The following PRKAG2 variants were observed in gnomAD, a reference collection of about 807,000 sequenced individuals.
The protein encoded by PRKAG2 is protein kinase AMP-activated non-catalytic subunit gamma 2.
Under a neutral mutation model 69.6 loss-of-function variants are expected in PRKAG2, and 26 were observed. The ratio of observed to expected loss-of-function variants is 0.37; its 90% CI spans 0.27 to 0.52. PRKAG2 has a LOEUF of 0.52. Ranked by LOEUF, PRKAG2 falls within the 20% of genes least tolerant of loss-of-function variation. The pLI, the probability that PRKAG2 is intolerant of heterozygous loss-of-function variation, is 0.90. For synonymous variants in PRKAG2, 293 were observed against 285.0 expected (o/e 1.03, Z -0.28); for missense variants, 557 against 740.0 (o/e 0.75, Z 2.87).
chr7:151,789,423 C>T (rs778601714), intron 1 of PRKAG2, among the ~76,000 whole-genome samples: 3 of 152,238 alleles, frequency 2.0e-5, no homozygotes, highest in Non-Finnish European at 4.4e-5. Context: ...TCCAGGCCTA[C>T]ACCCACTCTC....
chr7:151,660,621 T>A lies in PRKAG2; in HGVS notation c.684+14799A>T, dbSNP rs544425236. On this transcript the variant is annotated intron_variant, in intron 4 of 15. Coordinates refer to ENST00000287878, the MANE Select transcript of PRKAG2 (RefSeq NM_016203.4). ...TTTATGAAAATAAGACTTGAAAAGA[T>A]GACATTCCTCCAACAATGAAACCAT... Among the ~76,000 whole-genome samples, 687 of 152,356 alleles carry A rather than the reference T, an allele frequency of 4.5e-3. 3 individuals are homozygous for A. The highest frequency in any genetic ancestry group is 0.017 in the Middle Eastern group (5 of 294).
chr7:151,802,968 T>A (rs996636474), intron 1 of PRKAG2, among the ~76,000 whole-genome samples: 221 of 139,656 alleles, frequency 1.6e-3, no homozygotes, highest in Middle Eastern at 3.8e-3. Context: ...ATATATTTTT[T>A]TTTTTTTGAG....
intron 4 of PRKAG2, among the ~76,000 whole-genome samples, chr7:151,672,406 G>A (rs552524531): frequency 2.6e-5 from 4 of 152,134 alleles, no homozygotes; most frequent in Admixed American, 2.6e-4. Context: ...CCATTCGAAC[G>A]ATTTTCAAGT....
rs1241787972 is a variant in PRKAG2, at chr7:151,737,357, AG to A, written c.466+43794del. 2.9e-3 allele frequency among the ~76,000 whole-genome samples: 441 copies of A among 151,082 alleles called. 4 individuals are homozygous for A. Among genetic ancestry groups the A allele is most frequent in the African/African-American group, 1.0e-2 (410 of 41,034 alleles). On this transcript the variant is annotated intron_variant, in intron 3 of 15. Transcript: ENST00000287878. ...CCCCATCTCTATTAAAAAAAAAAAA[AG>A]AGAGATTTAGCCTAGTTCCAACAGT...
At chr7:151,625,075 A>G (rs1468825554) in intron 5 of PRKAG2, among the ~76,000 whole-genome samples, 1 of 152,200 alleles carries the variant, frequency 6.6e-6, no homozygotes, top group Non-Finnish European at 1.5e-5. Flanking sequence ...AGAGCTTACA[A>G]TGTAATGGCA....
chr7:151,571,614 G>A (rs1265178013), intron 9 of PRKAG2, among the ~76,000 whole-genome samples: 2 of 152,148 alleles, frequency 1.3e-5, no homozygotes, highest in East Asian at 1.9e-4. Flanking sequence ...TTAAACCTTG[G>A]TCTATCAGTA....
intron 1 of PRKAG2, among the ~76,000 whole-genome samples, chr7:151,815,679 G>T (rs1200390096): frequency 6.6e-6 from 1 of 152,132 alleles, no homozygotes; most frequent in Non-Finnish European, 1.5e-5. Context: ...CTTCCTTCGT[G>T]ACACTCATTC....
chr7:151,665,058 T>C (rs1394625537), intron 4 of PRKAG2, among the ~76,000 whole-genome samples: 2 of 152,198 alleles, frequency 1.3e-5, no homozygotes, highest in African/African-American at 4.8e-5. Context: ...GTATTTCATC[T>C]GTTAGTTTTG....
Position 151,876,862 on chromosome 7 carries a change from C to T in PRKAG2, c.-242G>A. On this transcript the variant is annotated 5_prime_UTR_variant, in exon 1 of 16. Transcript: ENST00000287878. ...CGTAGGCAAATCAGTCAAAGCCCGT[C>T]CCGGTTCTGGTGTCTCCCCGGGTTA... 2 of 577,552 alleles carry T rather than the reference C, an allele frequency of 3.5e-6. No homozygotes were observed. Among genetic ancestry groups the T allele is most frequent in the Non-Finnish European group, 6.2e-6 (2 of 322,566 alleles). The allele number at this position is 577,552 out of a possible 1,614,324, so 35.8% of individuals were successfully genotyped here. A position where few individuals can be genotyped will look rare whatever the true frequency, so the allele number is the denominator to read the frequency against.
intron 1 of PRKAG2, among the ~76,000 whole-genome samples, chr7:151,874,525 G>GATGTATATGTAT (rs200152872): frequency 6.9e-5 from 5 of 72,484 alleles, no homozygotes; most frequent in African/African-American, 2.7e-4. Flanking sequence ...ATATGTATAT[G>GATGTATATGTAT]ATGTATATGT....
chr7:151,759,040 G>A (rs1401268252), intron 3 of PRKAG2, among the ~76,000 whole-genome samples: 3 of 152,194 alleles, frequency 2.0e-5, no homozygotes, highest in Admixed American at 6.5e-5. Flanking sequence ...ATCGACATCC[G>A]ATGGCTTTCT....
rs562390958 is a variant in PRKAG2, at chr7:151,742,625, C to CA, written c.466+38526dup. Among the ~76,000 whole-genome samples the CA allele has an allele frequency of 9.9e-3, 1,339 of 135,596 alleles. 10 individuals are homozygous for CA. Among genetic ancestry groups the CA allele is most frequent in the Middle Eastern group, 0.02 (5 of 252 alleles). 89.0% of individuals were successfully genotyped at this position (135,596 alleles called of 152,430 possible). A position where few individuals can be genotyped will look rare whatever the true frequency, so the allele number is the denominator to read the frequency against. On this transcript the variant is annotated intron_variant, in intron 3 of 15. Transcript: ENST00000287878. ...TGCAACAGAGTAAGATTACATCTCA[C>CA]AAAAAAAAAAAAAATAAAATAAAAT...
chr7:151,834,848 G>A (rs1008352820), intron 1 of PRKAG2, among the ~76,000 whole-genome samples: 1 of 152,234 alleles, frequency 6.6e-6, no homozygotes, highest in Non-Finnish European at 1.5e-5. Context: ...CGAGATCAAG[G>A]TGTCGGCAGG....
intron 1 of PRKAG2, among the ~76,000 whole-genome samples, chr7:151,853,042 A>T (rs1229243713): frequency 6.6e-6 from 1 of 152,236 alleles, no homozygotes; most frequent in Non-Finnish European, 1.5e-5. Context: ...AAGGATTCCA[A>T]GGGTAAACCT....
chr7:151,733,939 C>G (rs151005213), intron 3 of PRKAG2, among the ~76,000 whole-genome samples: 3 of 152,086 alleles, frequency 2.0e-5, no homozygotes, highest in Non-Finnish European at 4.4e-5. Flanking sequence ...AAGCAGTCCT[C>G]CCACCTCAAC....
chr7:151,683,054 C>T (rs117398030), intron 3 of PRKAG2, among the ~76,000 whole-genome samples: 52 of 152,348 alleles, frequency 3.4e-4, no homozygotes, highest in African/African-American at 1.2e-3. Flanking sequence ...TTGTTTAGGA[C>T]GCCGCCAGCC....
chr7:151,654,509 T>C (rs1829105737), intron 4 of PRKAG2, among the ~76,000 whole-genome samples: 1 of 152,226 alleles, frequency 6.6e-6, no homozygotes, highest in East Asian at 1.9e-4. Context: ...TTCAACTTAT[T>C]ACGACTATGC....
At chr7:151,609,872 G>A (rs1238716544) in intron 5 of PRKAG2, among the ~76,000 whole-genome samples, 4 of 152,164 alleles carry the variant, frequency 2.6e-5, no homozygotes, top group South Asian at 2.1e-4. Context: ...TAGCGGTTCC[G>A]TGCCCACCAT....
chr7:151,855,062 T>TGC (rs1563756669), intron 1 of PRKAG2, among the ~76,000 whole-genome samples: 1 of 33,982 alleles, frequency 2.9e-5, no homozygotes, highest in African/African-American at 2.4e-4. Flanking sequence ...ACACACACCA[T>TGC]CCTCCACACA....
Sources: allele counts gnomAD v4.1 joint callset (sites outside exome capture counted in the v4.1 genomes callset), GRCh38; gene constraint gnomAD v4.1.1; transcripts MANE v1.5; gene names NCBI Gene and HGNC (gene_info 2026-07-23, HGNC 2026-07-21).